Variants in DIAPH2 observed in about 807,000 individuals in gnomAD.
DIAPH2 encodes protein diaphanous homolog 2.
A neutral mutation model predicts 92.7 loss-of-function variants in DIAPH2; 35 were observed. The observed-to-expected ratio is 0.38, with a 90% confidence interval of 0.29 to 0.50. The LOEUF is 0.50. DIAPH2 is among the 20% of genes least tolerant of loss of function. The pLI, the probability that DIAPH2 is intolerant of heterozygous loss-of-function variation, is 0.94. For synonymous variants in DIAPH2, 301 were observed against 280.4 expected (o/e 1.07, Z -0.73); for missense variants, 701 against 819.5 (o/e 0.86, Z 1.77).
chrX:97,493,228 T>TTTTA (rs753338113), intron 26 of DIAPH2, among the ~76,000 whole-genome samples: 60 of 110,173 alleles, frequency 5.4e-4, no homozygotes, highest in South Asian at 2.6e-3. Flanking sequence ...GTTTGGTTAT[T>TTTTA]TTTATTTATT....
chrX:97,424,540 T>C (rs1167791456), intron 25 of DIAPH2, among the ~76,000 whole-genome samples: 1 of 111,985 alleles, frequency 8.9e-6, no homozygotes. Context: ...GAGACGTTGC[T>C]CTAGCATAAT....
intron 22 of DIAPH2, among the ~76,000 whole-genome samples, chrX:97,209,789 A>G (rs1226849243): frequency 1.8e-5 from 2 of 110,815 alleles, no homozygotes; most frequent in African/African-American, 6.5e-5. Flanking sequence ...AATTGAGTCT[A>G]TCGGAACTGA....
intron 17 of DIAPH2, among the ~76,000 whole-genome samples, chrX:96,977,906 A>G (rs1324484573): frequency 9.0e-6 from 1 of 111,667 alleles, no homozygotes; most frequent in Non-Finnish European, 1.9e-5. Context: ...CTGGTCTCAA[A>G]TTCCTGACCT....
intron 22 of DIAPH2, among the ~76,000 whole-genome samples, chrX:97,227,632 C>T (rs760355381): frequency 2.9e-4 from 32 of 111,612 alleles, no homozygotes; most frequent in Non-Finnish European, 5.6e-4. Flanking sequence ...TAGTTTATTC[C>T]AAGTCTTACA....
At chrX:96,993,080 T>C (rs1347048230) in intron 17 of DIAPH2, among the ~76,000 whole-genome samples, 1 of 112,638 alleles carries the variant, frequency 8.9e-6, no homozygotes, top group African/African-American at 3.2e-5. Flanking sequence ...ACTTTAAAAC[T>C]GATGATATCA....
At chrX:97,115,194 T>G (rs2067007691) in intron 21 of DIAPH2, among the ~76,000 whole-genome samples, 1 of 112,074 alleles carries the variant, frequency 8.9e-6, no homozygotes, top group East Asian at 2.8e-4. Context: ...ATTTGCTGAT[T>G]ACATTTTACT....
chrX:96,815,421 G>T (rs1212802774), intron 4 of DIAPH2, among the ~76,000 whole-genome samples: 1 of 111,561 alleles, frequency 9.0e-6, no homozygotes, highest in Non-Finnish European at 1.9e-5. Flanking sequence ...GTTTTTTTAG[G>T]TATAGTCTGT....
intron 23 of DIAPH2, among the ~76,000 whole-genome samples, chrX:97,305,709 G>A (rs897264467): frequency 9.3e-6 from 1 of 107,300 alleles, no homozygotes; most frequent in Non-Finnish European, 1.9e-5. Context: ...TGTAATCCCA[G>A]CTACTTGGGA....
chrX:96,924,106 G>A (rs1316592120), intron 9 of DIAPH2, among the ~76,000 whole-genome samples: 1 of 111,651 alleles, frequency 9.0e-6, no homozygotes, highest in Non-Finnish European at 1.9e-5. Flanking sequence ...TGAGGGAGTA[G>A]CTTTGGACAA....
chrX:97,264,270 T>G (rs954245099), intron 23 of DIAPH2, among the ~76,000 whole-genome samples: 4 of 111,627 alleles, frequency 3.6e-5, no homozygotes, highest in Admixed American at 1.9e-4. Flanking sequence ...TTCTGAAACT[T>G]TATTTCATTT....
chrX:96,892,040 G>C (rs2065310767), intron 5 of DIAPH2, among the ~76,000 whole-genome samples: 1 of 111,951 alleles, frequency 8.9e-6, no homozygotes. Flanking sequence ...GAAAATAGAT[G>C]GATCTTGACA....
At chrX:97,415,496 A>T (rs916501740) in intron 25 of DIAPH2, among the ~76,000 whole-genome samples, 2 of 111,951 alleles carry the variant, frequency 1.8e-5, no homozygotes, top group Non-Finnish European at 3.8e-5. Flanking sequence ...AATGTGGCAC[A>T]TATTCACCAT....
At chrX:97,127,997 A>G (rs2067105037) in intron 21 of DIAPH2, among the ~76,000 whole-genome samples, 1 of 111,313 alleles carries the variant, frequency 9.0e-6, no homozygotes. Flanking sequence ...ACAGAGTGAG[A>G]CTGTTACAAG....
chrX:96,888,167 T>C (rs233212), intron 5 of DIAPH2, among the ~76,000 whole-genome samples: 42,969 of 108,090 alleles, frequency 0.4, 7,316 homozygotes, highest in African/African-American at 0.64. Context: ...TTCAAGTGAT[T>C]CTCCTGCCTC....
At chrX:97,111,073 G>A (rs757118203) in intron 20 of DIAPH2, among the ~76,000 whole-genome samples, 6 of 111,524 alleles carry the variant, frequency 5.4e-5, no homozygotes, top group Admixed American at 4.7e-4. Flanking sequence ...CAAATTTTTC[G>A]TAGCAGCCAA....
intron 4 of DIAPH2, among the ~76,000 whole-genome samples, chrX:96,831,322 C>A (rs1038010701): frequency 1.2e-4 from 13 of 111,642 alleles, no homozygotes; most frequent in African/African-American, 3.9e-4. Flanking sequence ...ATATTGTCTT[C>A]TATGTTTACG....
chrX:97,396,283 A>G (rs985460450), intron 25 of DIAPH2, among the ~76,000 whole-genome samples: 2 of 111,654 alleles, frequency 1.8e-5, no homozygotes, highest in African/African-American at 6.5e-5. Context: ...CACTGAACCC[A>G]ACTGAGTCTC....
intron 26 of DIAPH2, among the ~76,000 whole-genome samples, chrX:97,438,414 G>A (rs906043251): frequency 1.2e-5 from 1 of 83,233 alleles, no homozygotes; most frequent in Non-Finnish European, 2.1e-5. Flanking sequence ...CACCCAGGCT[G>A]TAGTGCAGTG....
chrX:97,141,840 T>C, intron 22 of DIAPH2, 46 bp downstream of exon 22: 18 of 1,124,804 alleles, frequency 1.6e-5, no homozygotes, highest in Non-Finnish European at 2.0e-5. Flanking sequence ...GCCTATATGG[T>C]TTAAATGGAA....
Sources: gnomAD v4.1 joint callset for allele counts (sites outside exome capture counted in the v4.1 genomes callset) on GRCh38, gnomAD v4.1.1 for gene constraint, MANE v1.5 for transcripts, NCBI Gene and HGNC (gene_info 2026-07-23, HGNC 2026-07-21) for gene names.